Variants in TLCD3A observed in about 807,000 individuals in gnomAD.
TLCD3A encodes TLC domain containing 3A, also known as TLC domain-containing protein 3A.
Under a neutral mutation model 29.9 loss-of-function variants are expected in TLCD3A, and 17 were observed. That is an observed-to-expected ratio of 0.57 (90% CI 0.39 to 0.85). The LOEUF is 0.85. Among genes scored for constraint, TLCD3A ranks in the 40% least tolerant of loss-of-function variants. TLCD3A has a pLI of 0.00. For synonymous variants in TLCD3A, 143 were observed against 147.7 expected (o/e 0.97, Z 0.23); for missense variants, 332 against 350.8 (o/e 0.95, Z 0.43).
rs912954231 is a variant in TLCD3A at position 742,277 on chromosome 17, G to A, written c.*707G>A. The A allele has an allele frequency of 6.6e-6, 1 of 152,280 alleles. No individual in the cohort carries two copies. The highest frequency in any genetic ancestry group is 2.4e-5 in the African/African-American group (1 of 41,430). The allele number at this position is 152,280 out of a possible 1,614,324, so 9.4% of individuals were successfully genotyped here. A position where few individuals can be genotyped will look rare whatever the true frequency, so the allele number is the denominator to read the frequency against. On this transcript the variant is annotated 3_prime_UTR_variant, in exon 5 of 5. Coordinates refer to ENST00000308278, the MANE Select transcript of TLCD3A (RefSeq NM_024792.3). ...AGGCTGACTTGCTAAGTCTGACAGT[G>A]ACAAACTTGTGAGCTTACTGCAGTC...
chr17:732,809 C>T (rs1974090149), intron 1 of TLCD3A, 40 bp downstream of exon 1: 6 of 1,421,824 alleles, frequency 4.2e-6, no homozygotes, highest in African/African-American at 1.5e-5. Flanking sequence ...GCCCGGGGCG[C>T]TGCCCACCGC....
chr17:733,973 G>A (rs1474580639), intron 2 of TLCD3A, among the ~76,000 whole-genome samples: 1 of 152,194 alleles, frequency 6.6e-6, no homozygotes, highest in Non-Finnish European at 1.5e-5. Context: ...TGAACTGCGA[G>A]GGGCCTGAGC....
At position 741,342 on chromosome 17, in the gene TLCD3A, C is replaced by T. The variant is rs982793371; in HGVS notation, c.546C>T (p.Ile182=). 1.9e-6 allele frequency: 3 copies of T among 1,614,120 alleles called. No individual in the cohort carries two copies. Among genetic ancestry groups the T allele is most frequent in the Non-Finnish European group, 2.5e-6 (3 of 1,180,044 alleles). The change falls in exon 5 of 5, where the codon ATC becomes ATT. Residue 182 remains isoleucine, a synonymous_variant. Transcript: ENST00000308278. The stretch of plus-strand genomic sequence containing the variant: ...CCCTTCTGTACAAGGTGAATGGAAT[C>T]CTCACGCTGGCCACCTTCCTTTCCT... ...QHTLLYKVNG[I]LTLATFLSCR...
intron 2 of TLCD3A, among the ~76,000 whole-genome samples, chr17:736,133 G>A (rs547987078): frequency 3.3e-5 from 5 of 152,248 alleles, no homozygotes; most frequent in South Asian, 4.2e-4. Flanking sequence ...TTCAGATGGC[G>A]CCTCCGTAGA....
At chr17:732,917 C>T (rs751441834) in intron 1 of TLCD3A, 148 bp downstream of exon 1, 22 of 1,359,868 alleles carry the variant, frequency 1.6e-5, no homozygotes, top group African/African-American at 3.1e-5. Context: ...TTCCGAAGCC[C>T]CTCCGCGTCC....
rs1248982350 is a variant in TLCD3A, at chr17:737,849, C to G, written c.210C>G (p.His70Gln). The G allele has an allele frequency of 1.9e-6, 3 of 1,614,138 alleles. No homozygotes were observed. In the Admixed American group the frequency reaches 5.0e-5, roughly 27 times the overall value. ...CCATTCATATGCTTTCTTTCAGGCA[C>G]TGGCTTGCCCGGGAATATGTGTGGT... ...RSCDDVITGR[H>Q]WLAREYVWFL... The change falls in exon 3 of 5, where the codon CAC (histidine) becomes CAG (glutamine). Residue 70 changes from histidine to glutamine, a missense_variant. Physicochemically the swap from His to Gln is conservative, Grantham distance 24. Transcript: ENST00000308278.
chr17:740,771 T>C (rs1214974794), intron 4 of TLCD3A, among the ~76,000 whole-genome samples, 171 bp downstream of exon 4: 2 of 152,232 alleles, frequency 1.3e-5, no homozygotes, highest in African/African-American at 4.8e-5. Flanking sequence ...GTGAGGGTTC[T>C]GATTCAGGCA....
At chr17:735,633 T>C (rs12948599) in intron 2 of TLCD3A, among the ~76,000 whole-genome samples, 1 of 152,062 alleles carries the variant, frequency 6.6e-6, no homozygotes, top group South Asian at 2.1e-4. Context: ...AGACCATAGA[T>C]GGGCATTGGA....
intron 3 of TLCD3A, 66 bp downstream of exon 3, chr17:738,113 T>TTTTTTTTTTC: frequency 8.0e-7 from 1 of 1,257,190 alleles, no homozygotes; most frequent in Non-Finnish European, 1.1e-6. Flanking sequence ...TTTTTTTTTT[T>TTTTTTTTTTC]CTGAGACAGT....
chr17:732,901 C>A (rs1210767704), intron 1 of TLCD3A, 132 bp downstream of exon 1: 1 of 1,369,104 alleles, frequency 7.3e-7, no homozygotes, highest in African/African-American at 1.5e-5. Flanking sequence ...TCCCGGCGGC[C>A]CGAGTTTCCG....
At chr17:733,051 C>T (rs1174479980) in intron 1 of TLCD3A, 47 bp from the exon 2 acceptor site, 4 of 1,536,784 alleles carry the variant, frequency 2.6e-6, no homozygotes, top group Non-Finnish European at 3.5e-6. Flanking sequence ...TCCCTGCGGT[C>T]CTCGGACCGG....
At chr17:732,843 G>A in intron 1 of TLCD3A, 74 bp downstream of exon 1, 1 of 1,373,520 alleles carries the variant, frequency 7.3e-7, no homozygotes, top group Non-Finnish European at 9.3e-7. Context: ...GCGGGGCCCA[G>A]GGCGGAAAAG....
chr17:737,010 TTTTTTG>T lies in TLCD3A; in HGVS notation c.207-824_207-819del, dbSNP rs1156423129. On this transcript the variant is annotated intron_variant, in intron 2 of 4. Coordinates refer to ENST00000308278, the MANE Select transcript of TLCD3A (RefSeq NM_024792.3). ...TTATCTCTAGAATTGCTTTTTGGGT[TTTTTTG>T]TTTTTGTTTTTTTTAGATGGAATCT... Among the ~76,000 whole-genome samples, 5 of 149,776 alleles carry T rather than the reference TTTTTTG, an allele frequency of 3.3e-5. No individual in the cohort carries two copies. In the East Asian group the frequency reaches 6.0e-4, roughly 18 times the overall value.
At position 741,649 on chromosome 17, in the gene TLCD3A, G is replaced by C; in HGVS notation, c.*79G>C. ...TTCCATGGACCAAATTGTGCCCTGG[G>C]TAGCCTCAGACTTTGGGTATTGATA... On this transcript the variant is annotated 3_prime_UTR_variant, in exon 5 of 5. Transcript: ENST00000308278. The C allele has an allele frequency of 6.5e-7, 1 of 1,531,056 alleles. No homozygotes were observed. The highest frequency in any genetic ancestry group is 8.8e-7 in the Non-Finnish European group (1 of 1,131,388). 94.8% of individuals were successfully genotyped at this position (1,531,056 alleles called of 1,614,324 possible).
intron 2 of TLCD3A, among the ~76,000 whole-genome samples, chr17:734,488 T>C (rs1324164417): frequency 1.3e-5 from 2 of 151,834 alleles, no homozygotes; most frequent in East Asian, 3.9e-4. Context: ...TTTTTTGTTG[T>C]TGTTGGTAGA....
chr17:733,050 T>TCCTCGGAC, intron 1 of TLCD3A, 48 bp from the exon 2 acceptor site: 1 of 1,537,606 alleles, frequency 6.5e-7, no homozygotes, highest in Non-Finnish European at 8.8e-7. Flanking sequence ...CTCCCTGCGG[T>TCCTCGGAC]CCTCGGACCG....
Position 741,930 on chromosome 17 carries a change from G to A in TLCD3A, c.*360G>A, listed in dbSNP as rs533093690. On this transcript the variant is annotated 3_prime_UTR_variant, in exon 5 of 5. Coordinates refer to ENST00000308278, the MANE Select transcript of TLCD3A (RefSeq NM_024792.3). ...CACATCTGCCTGTCCCTGTATCAGCGGCTACCCACCTTCCAAACCACTCAG... is the reference window on the plus strand; with the variant it reads ...CACATCTGCCTGTCCCTGTATCAGCAGCTACCCACCTTCCAAACCACTCAG... The A allele has an allele frequency of 7.9e-5, 26 of 330,346 alleles. No homozygotes were observed. Among genetic ancestry groups the A allele is most frequent in the Non-Finnish European group, 1.2e-4 (21 of 174,012 alleles). The allele number at this position is 330,346 out of a possible 1,614,324, so 20.5% of individuals were successfully genotyped here.
Position 732,634 on chromosome 17 carries a change from G to C in TLCD3A, c.-14G>C. The C allele has an allele frequency of 8.0e-7, 1 of 1,253,802 alleles. No individual in the cohort carries two copies. Among genetic ancestry groups the C allele is most frequent in the Non-Finnish European group, 1.0e-6 (1 of 999,948 alleles). The allele number at this position is 1,253,802 out of a possible 1,614,324, so 77.7% of individuals were successfully genotyped here. The stretch of plus-strand genomic sequence containing the variant: ...CCACGCGGCGCCAGCGAGGCGGCCG[G>C]ACCCGCAGCCCCGATGCTGCTGACG... On this transcript the variant is annotated 5_prime_UTR_variant, in exon 1 of 5. Coordinates refer to ENST00000308278, the MANE Select transcript of TLCD3A (RefSeq NM_024792.3).
At chr17:732,832 C>T in intron 1 of TLCD3A, 63 bp downstream of exon 1, 1 of 1,383,902 alleles carries the variant, frequency 7.2e-7, no homozygotes. Flanking sequence ...CCCACCCGGC[C>T]GCGGGGCCCA....
Sources: allele counts gnomAD v4.1 joint callset (sites outside exome capture counted in the v4.1 genomes callset), GRCh38; gene constraint gnomAD v4.1.1; transcripts MANE v1.5; gene names NCBI Gene and HGNC (gene_info 2026-07-23, HGNC 2026-07-21).